Variants in PRKN observed in about 807,000 individuals in gnomAD.
PRKN encodes the protein parkin RBR E3 ubiquitin protein ligase.
Under a neutral mutation model 59.5 loss-of-function variants are expected in PRKN, and 56 were observed. The ratio of observed to expected loss-of-function variants is 0.94; its 90% CI spans 0.76 to 1.18. The LOEUF (loss-of-function observed/expected upper bound fraction) is 1.18, where lower values mean the gene tolerates loss of function less well. PRKN is among the 50% of genes most tolerant of loss of function. The pLI is 0.00. For missense variants in PRKN, 657 were observed against 596.4 expected, an observed-to-expected ratio of 1.10 and a Z score of -1.06; for synonymous variants, 250 against 222.1, an observed-to-expected ratio of 1.13 and a Z score of -1.12.
At chr6:161,773,867 G>A (rs1241237533) in intron 7 of PRKN, among the ~76,000 whole-genome samples, 4 of 152,108 alleles carry the variant, frequency 2.6e-5, no homozygotes, top group South Asian at 4.1e-4. Context: ...TTGGAGAGTC[G>A]AAATTCAAGG....
chr6:162,463,764 A>G (rs1791283069), intron 1 of PRKN, among the ~76,000 whole-genome samples: 1 of 152,172 alleles, frequency 6.6e-6, no homozygotes, highest in South Asian at 2.1e-4. Context: ...GAGTGACTGT[A>G]TATGATTTCT....
intron 5 of PRKN, among the ~76,000 whole-genome samples, chr6:162,000,602 T>G (rs2128262624): frequency 6.6e-6 from 1 of 152,200 alleles, no homozygotes; most frequent in East Asian, 1.9e-4. Context: ...GTCTATGGCT[T>G]GTTTCATTCT....
chr6:161,374,464 G>A (rs1785571660), intron 10 of PRKN, among the ~76,000 whole-genome samples: 1 of 146,506 alleles, frequency 6.8e-6, no homozygotes, highest in South Asian at 2.2e-4. Flanking sequence ...GCATATGGGT[G>A]GTGTGTGTGA....
At chr6:162,360,594 A>G (rs1245425264) in intron 2 of PRKN, among the ~76,000 whole-genome samples, 10 of 152,178 alleles carry the variant, frequency 6.6e-5, no homozygotes, top group Admixed American at 3.3e-4. Context: ...TTTAAAAAAC[A>G]AACAAAAAAA....
In PRKN at chr6:161,578,625, T is replaced by C. The variant is rs114134511; in HGVS notation, c.872-9209A>G. Among the ~76,000 whole-genome samples, 625 of 152,258 alleles carry C rather than the reference T, an allele frequency of 4.1e-3. 2 individuals are homozygous for C. The highest frequency in any genetic ancestry group is 0.014 in the African/African-American group (589 of 41,554). ...CTTAAGCCCAGATCCCCAGGCTCTA[T>C]GAACACCCTCCCCTGACCTCTCTTT... On this transcript the variant is annotated intron_variant, in intron 7 of 11. Coordinates refer to ENST00000366898, the MANE Select transcript of PRKN (RefSeq NM_004562.3). The surrounding 1 kb of genome is among the most constrained non-coding windows in gnomAD (Gnocchi z 4.2).
At chr6:161,840,424 A>G (rs1298846921) in intron 6 of PRKN, among the ~76,000 whole-genome samples, 1 of 152,224 alleles carries the variant, frequency 6.6e-6, no homozygotes, top group African/African-American at 2.4e-5. Context: ...ATCACAGGAG[A>G]AAAGCCCCAT....
At chr6:161,541,233 C>G (rs966782423) in intron 9 of PRKN, among the ~76,000 whole-genome samples, 1 of 152,184 alleles carries the variant, frequency 6.6e-6, no homozygotes, top group African/African-American at 2.4e-5. Flanking sequence ...AATGTGGTTA[C>G]TGTGATTGAG....
intron 4 of PRKN, among the ~76,000 whole-genome samples, chr6:162,087,631 G>C (rs558837031): frequency 2.5e-5 from 3 of 121,354 alleles, no homozygotes; most frequent in Non-Finnish European, 4.8e-5. Context: ...GTCTCGCTCC[G>C]TCACCAGGCT....
At chr6:162,438,457 T>C (rs913772287) in intron 2 of PRKN, among the ~76,000 whole-genome samples, 27 of 152,182 alleles carry the variant, frequency 1.8e-4, no homozygotes, top group African/African-American at 5.3e-4. Context: ...GCCATTCTTT[T>C]AGGGTAGGTC....
chr6:162,682,951 T>C (rs1400156959), intron 1 of PRKN, among the ~76,000 whole-genome samples: 1 of 152,132 alleles, frequency 6.6e-6, no homozygotes, highest in South Asian at 2.1e-4. Context: ...TTAAAAATGA[T>C]TCATAGAATT....
intron 7 of PRKN, among the ~76,000 whole-genome samples, chr6:161,664,740 A>G (rs1191656295): frequency 1.3e-5 from 2 of 152,098 alleles, no homozygotes; most frequent in Non-Finnish European, 2.9e-5. Context: ...CAATAAAAGA[A>G]CTGATAAAAA....
chr6:162,553,542 C>A (rs1409203415), intron 1 of PRKN, among the ~76,000 whole-genome samples: 123 of 114,494 alleles, frequency 1.1e-3, no homozygotes, highest in Middle Eastern at 5.0e-3. Flanking sequence ...TGTTTACTAC[C>A]AAAAAAAAAA....
At chr6:162,720,818 G>A (rs372491907) in intron 1 of PRKN, among the ~76,000 whole-genome samples, 2 of 152,256 alleles carry the variant, frequency 1.3e-5, no homozygotes, top group South Asian at 2.1e-4. Context: ...AAACTATTCT[G>A]CACTATTCTG....
chr6:162,451,351 A>G, intron 1 of PRKN, among the ~76,000 whole-genome samples: 1 of 146,968 alleles, frequency 6.8e-6, no homozygotes, highest in East Asian at 2.1e-4. Flanking sequence ...TAGTAGTATT[A>G]CTGTCCTTAA....
intron 5 of PRKN, among the ~76,000 whole-genome samples, chr6:161,975,306 TCTC>T (rs1185344993): frequency 1.3e-5 from 2 of 151,998 alleles, no homozygotes; most frequent in African/African-American, 4.8e-5. Flanking sequence ...ATGGTCCTGA[TCTC>T]CTGACCTCGT....
intron 9 of PRKN, among the ~76,000 whole-genome samples, chr6:161,542,436 T>C (rs965175632): frequency 4.6e-5 from 7 of 152,228 alleles, no homozygotes; most frequent in Non-Finnish European, 1.0e-4. Context: ...AGATGAATGG[T>C]ATGCAGAACT....
chr6:162,178,013 C>A (rs944693961), intron 4 of PRKN, among the ~76,000 whole-genome samples: 1 of 152,138 alleles, frequency 6.6e-6, no homozygotes. Flanking sequence ...GGAAAAAATG[C>A]GATTAGGATT....
intron 9 of PRKN, among the ~76,000 whole-genome samples, chr6:161,534,565 G>C (rs1779343271): frequency 6.6e-6 from 1 of 152,194 alleles, no homozygotes; most frequent in South Asian, 2.1e-4. Flanking sequence ...GGGTACGAAG[G>C]CCCTTAAGTA....
rs1218440884 is a variant in PRKN at position 161,593,391 on chromosome 6, T to C, written c.872-23975A>G. On this transcript the variant is annotated intron_variant, in intron 7 of 11. Transcript: ENST00000366898. The surrounding 1 kb of genome is among the most constrained non-coding windows in gnomAD (Gnocchi z 4.8). ...TGCCCAGTGTCACAAAACTAATATA[T>C]GGTGAGGCTGGTTTCAAGCTAATAT... Among the ~76,000 whole-genome samples the C allele has an allele frequency of 6.6e-6, 1 of 152,014 alleles. No homozygotes were observed. The highest frequency in any genetic ancestry group is 1.5e-5 in the Non-Finnish European group (1 of 67,990).
Sources: allele counts gnomAD v4.1 joint callset (sites outside exome capture counted in the v4.1 genomes callset), GRCh38; gene constraint gnomAD v4.1.1; non-coding constraint Gnocchi (gnomAD v3.1); transcripts MANE v1.5; gene names NCBI Gene and HGNC (gene_info 2026-07-23, HGNC 2026-07-21).